HIVEP3: variants seen among roughly 807,000 people sequenced by gnomAD.
HIVEP3 encodes HIVEP zinc finger 3.
A neutral mutation model predicts 152.8 loss-of-function variants in HIVEP3; 49 were observed. The ratio of observed to expected loss-of-function variants is 0.32; its 90% confidence interval spans 0.26 to 0.41. The LOEUF (loss-of-function observed/expected upper bound fraction) is 0.41. HIVEP3 is among the 10% of genes least tolerant of loss of function. The pLI is 1.00. For missense variants in HIVEP3, 2,790 were observed against 3,103.3 expected, an observed-to-expected ratio of 0.90 and a Z score of 2.40; for synonymous variants, 1,269 against 1,289.0, an observed-to-expected ratio of 0.98 and a Z score of 0.33.
At chr1:41,714,016 C>G (rs544636790) in intron 1 of HIVEP3, among the ~76,000 whole-genome samples, 2 of 152,306 alleles carry the variant, frequency 1.3e-5, no homozygotes, top group South Asian at 4.2e-4. Flanking sequence ...CAGAACCTGC[C>G]AGCCCTTCCA....
rs190054912 is a variant in HIVEP3 at position 41,579,485 on chromosome 1, T to C, written c.5061+252A>G. Among the ~76,000 whole-genome samples, 25 of 152,368 alleles carry C rather than the reference T, an allele frequency of 1.6e-4. 1 individual carries two copies. The East Asian group carries it at 3.5e-3, about 21-fold the overall frequency. ...TCTTTGATTTCACAACAGAAATTCATGGCAGAGCAGGATCACTTTATGGCT... is the reference window on the plus strand; with the variant it reads ...TCTTTGATTTCACAACAGAAATTCACGGCAGAGCAGGATCACTTTATGGCT... On this transcript the variant is annotated intron_variant, in intron 4 of 8. Transcript: ENST00000372583.
At chr1:41,827,086 G>A (rs1642825246) in intron 1 of HIVEP3, among the ~76,000 whole-genome samples, 1 of 152,182 alleles carries the variant, frequency 6.6e-6, no homozygotes, top group Non-Finnish European at 1.5e-5. Context: ...GAAACACCCA[G>A]GAAGATGGTC....
chr1:41,812,843 G>A (rs1651046193), intron 1 of HIVEP3, among the ~76,000 whole-genome samples: 1 of 128,198 alleles, frequency 7.8e-6, no homozygotes, highest in Admixed American at 9.9e-5. Context: ...AACTGCCAAG[G>A]TTCTCTGCTC....
intron 1 of HIVEP3, among the ~76,000 whole-genome samples, chr1:41,808,429 C>T (rs1650761044): frequency 1.3e-5 from 2 of 152,250 alleles, no homozygotes; most frequent in African/African-American, 4.8e-5. Flanking sequence ...AGAAATTTGA[C>T]AGGCACATCA....
At chr1:41,798,719 G>A (rs942056212) in intron 1 of HIVEP3, among the ~76,000 whole-genome samples, 3 of 151,800 alleles carry the variant, frequency 2.0e-5, no homozygotes, top group African/African-American at 7.3e-5. Context: ...TTGTGTGTTT[G>A]CATTTGTTAA....
At chr1:41,541,916 T>G (rs1423151026) in intron 5 of HIVEP3, among the ~76,000 whole-genome samples, 2 of 152,236 alleles carry the variant, frequency 1.3e-5, no homozygotes, top group African/African-American at 4.8e-5. Context: ...TATGATCTGT[T>G]TCAATTAGAA....
chr1:41,881,700 G>A (rs1644264335), intron 1 of HIVEP3, among the ~76,000 whole-genome samples: 1 of 152,246 alleles, frequency 6.6e-6, no homozygotes, highest in Non-Finnish European at 1.5e-5. Flanking sequence ...TATTTCAGAT[G>A]TAGGTACAGC....
At chr1:41,807,884 G>A (rs1650728734) in intron 1 of HIVEP3, among the ~76,000 whole-genome samples, 1 of 152,132 alleles carries the variant, frequency 6.6e-6, no homozygotes, top group African/African-American at 2.4e-5. Context: ...TAGTCATGAT[G>A]GGGGGCAGGG....
At chr1:41,803,836 C>T (rs555923740) in intron 1 of HIVEP3, among the ~76,000 whole-genome samples, 1 of 152,228 alleles carries the variant, frequency 6.6e-6, no homozygotes, top group Admixed American at 6.5e-5. Flanking sequence ...TAGGTCTTAG[C>T]CCCAGGGAAA....
At chr1:41,762,245 T>C (rs1331490853) in intron 1 of HIVEP3, among the ~76,000 whole-genome samples, 2 of 152,144 alleles carry the variant, frequency 1.3e-5, no homozygotes, top group African/African-American at 2.4e-5. Flanking sequence ...GAGAGCTATT[T>C]TGTAGCTTAA....
Position 41,735,704 on chromosome 1 carries a change from G to A in HIVEP3, c.-800-34709C>T, listed in dbSNP as rs111414431. On this transcript the variant is annotated intron_variant, in intron 1 of 8. Transcript: ENST00000372583. Reference sequence around the variant, plus strand: ...GAATTAAACCCTGCTCTCCTCCTCCGTCAGCACAGGCAAACTCCATGACAG... The same window carrying A: ...GAATTAAACCCTGCTCTCCTCCTCCATCAGCACAGGCAAACTCCATGACAG... Among the ~76,000 whole-genome samples, 353 of 152,178 alleles carry A rather than the reference G, an allele frequency of 2.3e-3. 2 individuals carry two copies. The highest frequency in any genetic ancestry group is 7.8e-3 in the African/African-American group (323 of 41,486).
At chr1:41,970,674 A>C (rs985769031) in intron 1 of HIVEP3, among the ~76,000 whole-genome samples, 19 of 152,350 alleles carry the variant, frequency 1.2e-4, no homozygotes, top group East Asian at 3.9e-4. Context: ...CACATCTGGC[A>C]CAGTACCCCG....
rs557697044 is a variant in HIVEP3 at position 41,873,477 on chromosome 1, G to A, written c.-801+44936C>T. Among the ~76,000 whole-genome samples the A allele has an allele frequency of 8.5e-5, 13 of 152,282 alleles. No individual in the cohort carries two copies. The South Asian group carries it at 2.7e-3, about 32-fold the overall frequency. Reference sequence around the variant, plus strand: ...CATTTAATGTCATGTCATATAATTAGTATGGAAACTACAAAAACCTATATG... The same window carrying A: ...CATTTAATGTCATGTCATATAATTAATATGGAAACTACAAAAACCTATATG... On this transcript the variant is annotated intron_variant, in intron 1 of 8. Transcript: ENST00000372583. The surrounding 1 kb of genome is among the most constrained non-coding windows in gnomAD (Gnocchi z 4.2).
chr1:41,801,901 A>T (rs1650330125), intron 1 of HIVEP3, among the ~76,000 whole-genome samples: 1 of 152,180 alleles, frequency 6.6e-6, no homozygotes, highest in Non-Finnish European at 1.5e-5. Context: ...ACAATGAGGG[A>T]ATTGCAGGAT....
chr1:42,024,506 T>C (rs1645571628), intron 1 of HIVEP3, among the ~76,000 whole-genome samples: 1 of 152,216 alleles, frequency 6.6e-6, no homozygotes, highest in African/African-American at 2.4e-5. Context: ...GTCATTATCT[T>C]TACTCTCCTT....
chr1:42,035,865 G>T, exon 1 of HIVEP3: 1 of 149,752 alleles, frequency 6.7e-6, no homozygotes, highest in South Asian at 1.8e-4. Flanking sequence ...GCGGGCGGCG[G>T]GCGGCAGCGC....
chr1:41,908,610 G>T (rs540183288), intron 1 of HIVEP3, among the ~76,000 whole-genome samples: 2 of 152,284 alleles, frequency 1.3e-5, no homozygotes, highest in Non-Finnish European at 2.9e-5. Context: ...TGGTATTAAA[G>T]AAAACCTTAT....
intron 1 of HIVEP3, among the ~76,000 whole-genome samples, chr1:41,894,639 A>G (rs1166519744): frequency 1.3e-5 from 2 of 152,202 alleles, no homozygotes; most frequent in Non-Finnish European, 2.9e-5. Context: ...CAGAAATTCA[A>G]AATGAGCTCT....
chr1:41,584,429 G>A lies in HIVEP3; in HGVS notation c.369C>T (p.Asp123=), dbSNP rs767994603. The change falls in exon 4 of 9, where the codon GAC becomes GAT. Residue 123 remains aspartate (D), a synonymous_variant. Coordinates refer to ENST00000372583, the MANE Select transcript of HIVEP3 (RefSeq NM_024503.5). The surrounding 1 kb of genome is among the most constrained non-coding windows in gnomAD (Gnocchi z 5.2). ...AGCCAGAGGGTCCAGGTCTCATGGGGTCAACCAGTTGCCATGTGGACCCCT... is the reference window on the plus strand; with the variant it reads ...AGCCAGAGGGTCCAGGTCTCATGGGATCAACCAGTTGCCATGTGGACCCCT... ...LLEGSTWQLV[D]PMRPGPSGSF... is the part of the protein sequence containing the mutation. 28 of 1,614,032 alleles carry A rather than the reference G, an allele frequency of 1.7e-5. No homozygotes were observed. The highest frequency in any genetic ancestry group is 2.3e-5 in the Non-Finnish European group (27 of 1,180,018).
Sources: gnomAD v4.1 joint callset for allele counts (sites outside exome capture counted in the v4.1 genomes callset) on GRCh38, gnomAD v4.1.1 for gene constraint, Gnocchi (gnomAD v3.1) non-coding constraint, MANE v1.5 for transcripts, NCBI Gene and HGNC (gene_info 2026-07-23, HGNC 2026-07-21) for gene names.